GAREM1: variants seen among roughly 807,000 people sequenced by gnomAD.
The protein encoded by GAREM1 is GRB2-associated and regulator of MAPK protein 1.
A neutral mutation model predicts 71.3 loss-of-function variants in GAREM1; 26 were observed. The observed-to-expected ratio is 0.36, with a 90% CI of 0.27 to 0.51. The LOEUF is 0.51. Among genes scored for constraint, GAREM1 ranks in the 20% least tolerant of loss-of-function variants. The pLI is 0.95. For missense variants in GAREM1, 1,026 were observed against 1,103.1 expected, an observed-to-expected ratio of 0.93 and a Z score of 0.99; for synonymous variants, 440 against 433.2, an observed-to-expected ratio of 1.02 and a Z score of -0.20.
chr18:32,339,969 C>T (rs2144572801), intron 2 of GAREM1, among the ~76,000 whole-genome samples: 1 of 152,328 alleles, frequency 6.6e-6, no homozygotes, highest in African/African-American at 2.4e-5. Flanking sequence ...CTCTAAAATG[C>T]TATCTAATCC....
intron 1 of GAREM1, among the ~76,000 whole-genome samples, chr18:32,401,055 T>C (rs75662342): frequency 0.21 from 32,343 of 151,952 alleles, 4,255 homozygotes; most frequent in African/African-American, 0.37. Flanking sequence ...AATCATCATT[T>C]TCAGCAAACT....
chr18:32,381,348 C>T (rs1389070148), intron 2 of GAREM1, among the ~76,000 whole-genome samples: 2 of 152,046 alleles, frequency 1.3e-5, no homozygotes, highest in Admixed American at 6.5e-5. Context: ...TAGGAAGAAC[C>T]TGAAAAATTC....
intron 4 of GAREM1, among the ~76,000 whole-genome samples, chr18:32,276,004 T>C (rs2144431220): frequency 6.6e-6 from 1 of 152,342 alleles, no homozygotes; most frequent in African/African-American, 2.4e-5. Flanking sequence ...AAATGTTCAG[T>C]GTTTCAATTA....
At chr18:32,358,645 G>A (rs73956901) in intron 2 of GAREM1, among the ~76,000 whole-genome samples, 15,649 of 152,120 alleles carry the variant, frequency 0.1, 1,434 homozygotes, top group African/African-American at 0.24. Flanking sequence ...AGAAGCCACC[G>A]TAACAACTTT....
chr18:32,296,113 G>A (rs1253596514), intron 3 of GAREM1, among the ~76,000 whole-genome samples: 1 of 151,624 alleles, frequency 6.6e-6, no homozygotes, highest in Non-Finnish European at 1.5e-5. Flanking sequence ...CAGGCACGCG[G>A]CACCATGCTC....
chr18:32,299,737 C>G (rs2144497596), intron 3 of GAREM1, among the ~76,000 whole-genome samples: 2 of 152,132 alleles, frequency 1.3e-5, no homozygotes, highest in South Asian at 4.1e-4. Context: ...ACTTAGTGTA[C>G]TGATTCCTAA....
At chr18:32,434,804 G>A (rs1393703254) in intron 1 of GAREM1, among the ~76,000 whole-genome samples, 1 of 152,024 alleles carries the variant, frequency 6.6e-6, no homozygotes, top group African/African-American at 2.4e-5. Context: ...TAAAATGAGT[G>A]GGCAAAGGTT....
At chr18:32,325,160 T>C (rs1223719480) in intron 2 of GAREM1, among the ~76,000 whole-genome samples, 3 of 152,220 alleles carry the variant, frequency 2.0e-5, no homozygotes, top group South Asian at 2.1e-4. Context: ...GGTTTCACCA[T>C]ATTGGCCAGG....
At chr18:32,466,047 G>C (rs11873711) in intron 1 of GAREM1, among the ~76,000 whole-genome samples, 5,164 of 152,192 alleles carry the variant, frequency 0.034, 304 homozygotes, top group African/African-American at 0.12. Flanking sequence ...CCACTATTTA[G>C]GTAACAACTA....
intron 2 of GAREM1, among the ~76,000 whole-genome samples, chr18:32,338,395 G>A (rs145330000): frequency 1.7e-3 from 255 of 152,238 alleles, no homozygotes; most frequent in African/African-American, 5.9e-3. Flanking sequence ...GTTCAAACTA[G>A]CCACTTAATG....
chr18:32,440,552 CCTTT>C (rs2048725572), intron 1 of GAREM1, among the ~76,000 whole-genome samples: 1 of 152,196 alleles, frequency 6.6e-6, no homozygotes, highest in Non-Finnish European at 1.5e-5. Flanking sequence ...TTTGTTCCTT[CCTTT>C]AAGAGTACAA....
At chr18:32,446,223 A>AGT (rs10587223) in intron 1 of GAREM1, among the ~76,000 whole-genome samples, 8,330 of 143,354 alleles carry the variant, frequency 0.058, 273 homozygotes, top group African/African-American at 0.1. Context: ...AGTTCCCCAT[A>AGT]GTGTGTGTGT....
intron 1 of GAREM1, among the ~76,000 whole-genome samples, chr18:32,430,023 A>G (rs978661397): frequency 1.3e-5 from 2 of 152,232 alleles, no homozygotes; most frequent in Non-Finnish European, 2.9e-5. Context: ...ATTTGGTTTC[A>G]AACACCATGT....
At chr18:32,405,365 T>C (rs1484575030) in intron 1 of GAREM1, among the ~76,000 whole-genome samples, 1 of 152,024 alleles carries the variant, frequency 6.6e-6, no homozygotes, top group African/African-American at 2.4e-5. Context: ...TGCTGGCTAA[T>C]TTTTGTATTT....
At chr18:32,344,379 A>G (rs146884267) in intron 2 of GAREM1, among the ~76,000 whole-genome samples, 66 of 152,342 alleles carry the variant, frequency 4.3e-4, no homozygotes, top group Non-Finnish European at 8.7e-4. Context: ...AGTACTGGCA[A>G]TATACATCAA....
intron 1 of GAREM1, among the ~76,000 whole-genome samples, chr18:32,428,852 C>G (rs1001818521): frequency 6.6e-6 from 1 of 152,094 alleles, no homozygotes; most frequent in Admixed American, 6.5e-5. Context: ...TTTTCGGTTC[C>G]TTGTTTTAGT....
At chr18:32,437,311 G>A (rs1369494617) in intron 1 of GAREM1, among the ~76,000 whole-genome samples, 1 of 152,172 alleles carries the variant, frequency 6.6e-6, no homozygotes, top group African/African-American at 2.4e-5. Context: ...GGGATGGGAT[G>A]GCATCATCTC....
intron 3 of GAREM1, among the ~76,000 whole-genome samples, chr18:32,305,537 T>C (rs2047245366): frequency 6.6e-6 from 1 of 152,206 alleles, no homozygotes; most frequent in African/African-American, 2.4e-5. Context: ...TGTTGTTTTT[T>C]GAGATGGAGT....
intron 2 of GAREM1, among the ~76,000 whole-genome samples, chr18:32,391,149 G>A (rs370362520): frequency 2.6e-5 from 4 of 152,186 alleles, no homozygotes; most frequent in South Asian, 4.1e-4. Context: ...TGCGGAGGAC[G>A]GCTGAACCCT....
Sources: allele counts gnomAD v4.1 joint callset (sites outside exome capture counted in the v4.1 genomes callset), GRCh38; gene constraint gnomAD v4.1.1; transcripts MANE v1.5; gene names NCBI Gene and HGNC (gene_info 2026-07-23, HGNC 2026-07-21).